Variants in LRRTM4 observed in about 807,000 individuals in gnomAD.
The protein encoded by LRRTM4 is leucine-rich repeat transmembrane neuronal protein 4.
Under a neutral mutation model 47.6 loss-of-function variants are expected in LRRTM4, and 25 were observed. The ratio of observed to expected loss-of-function variants is 0.53; its 90% CI spans 0.38 to 0.73. The LOEUF (loss-of-function observed/expected upper bound fraction) is 0.73, where lower values mean the gene tolerates loss of function less well. LRRTM4 is among the 30% of genes least tolerant of loss of function. LRRTM4 has a pLI of 0.00. For missense variants in LRRTM4, 638 were observed against 713.4 expected, an observed-to-expected ratio of 0.89 and a Z score of 1.20; for synonymous variants, 311 against 269.5, an observed-to-expected ratio of 1.15 and a Z score of -1.51.
intron 3 of LRRTM4, among the ~76,000 whole-genome samples, chr2:77,069,090 TAAATACATGGGTAAATCTCTATTC>T: frequency 6.6e-6 from 1 of 152,204 alleles, no homozygotes; most frequent in Non-Finnish European, 1.5e-5. Flanking sequence ...TTGCTGTTAA[TAAATACATGGGTAAATCTCTATTC>T]GAGGCTTTCA....
At position 77,223,464 on chromosome 2, in the gene LRRTM4, T is replaced by C. The variant is rs563827113; in HGVS notation, c.1551+294854A>G. On this transcript the variant is annotated intron_variant, in intron 3 of 3. Coordinates refer to ENST00000409884, the MANE Select transcript of LRRTM4 (RefSeq NM_001134745.3). ...TGATTGTATATCTAGAAAACCCCAT[T>C]GTCTCAGCCCAAAATCTCCTTAAGC... Among the ~76,000 whole-genome samples the C allele has an allele frequency of 1.1e-3, 165 of 152,194 alleles. 1 individual carries two copies. Among genetic ancestry groups the C allele is most frequent in the African/African-American group, 3.8e-3 (157 of 41,546 alleles).
Position 76,959,947 on chromosome 2 carries a change from T to C in LRRTM4, c.1552-211031A>G, listed in dbSNP as rs925070003. 2.2e-4 allele frequency among the ~76,000 whole-genome samples: 33 copies of C among 151,652 alleles called. 1 individual carries two copies. Among genetic ancestry groups the C allele is most frequent in the Admixed American group, 2.2e-3 (33 of 15,168 alleles). On this transcript the variant is annotated intron_variant, in intron 3 of 3. Transcript: ENST00000409884. The stretch of plus-strand genomic sequence containing the variant: ...ATTAGTGGTATTACTACCAATACCA[T>C]TGCCTTCATAGCCACTGGTTTACTC...
At position 77,450,962 on chromosome 2, in the gene LRRTM4, TCTAA is replaced by T. The variant is rs1380709790; in HGVS notation, c.1551+67352_1551+67355del. Among the ~76,000 whole-genome samples the T allele has an allele frequency of 4.6e-5, 7 of 152,184 alleles. No individual in the cohort carries two copies. The East Asian group carries it at 9.6e-4, about 21-fold the overall frequency. On this transcript the variant is annotated intron_variant, in intron 3 of 3. Coordinates refer to ENST00000409884, the MANE Select transcript of LRRTM4 (RefSeq NM_001134745.3). ...ATTTAGCATTCAAAGAGTTCAACAA[TCTAA>T]CTAAGTATAACTTTCCAACTTATTT...
At chr2:77,513,993 AT>A (rs991901305) in intron 3 of LRRTM4, among the ~76,000 whole-genome samples, 4 of 152,112 alleles carry the variant, frequency 2.6e-5, no homozygotes, top group Non-Finnish European at 5.9e-5. Flanking sequence ...AATTTAATTA[AT>A]TTTGATGGAC....
chr2:77,411,282 T>C (rs1239164334), intron 3 of LRRTM4, among the ~76,000 whole-genome samples: 1 of 152,016 alleles, frequency 6.6e-6, no homozygotes, highest in Non-Finnish European at 1.5e-5. Context: ...ATAAATAGTC[T>C]CAGCAAAACA....
rs139915054 is a variant in LRRTM4 at position 77,049,341 on chromosome 2, T to C, written c.1552-300425A>G. ...TGATATATATCCAGTGGTGAGACTGTTGGATCATTTGTAATTGTTTGAGGA... is the reference window on the plus strand; with the variant it reads ...TGATATATATCCAGTGGTGAGACTGCTGGATCATTTGTAATTGTTTGAGGA... On this transcript the variant is annotated intron_variant, in intron 3 of 3. Transcript: ENST00000409884. Among the ~76,000 whole-genome samples the C allele has an allele frequency of 5.3e-3, 798 of 151,532 alleles. 6 individuals are homozygous for C. The highest frequency in any genetic ancestry group is 0.029 in the South Asian group (139 of 4,800).
intron 3 of LRRTM4, among the ~76,000 whole-genome samples, chr2:77,417,986 G>C (rs1328947133): frequency 6.6e-6 from 1 of 152,078 alleles, no homozygotes; most frequent in Non-Finnish European, 1.5e-5. Context: ...GGACTAAAGA[G>C]AGAACAAAAT....
chr2:76,755,345 G>A (rs1317414310), intron 3 of LRRTM4, among the ~76,000 whole-genome samples: 2 of 152,104 alleles, frequency 1.3e-5, no homozygotes, highest in African/African-American at 4.8e-5. Context: ...TTTTGAGAAA[G>A]TACCTTAAGC....
At position 77,132,873 on chromosome 2, in the gene LRRTM4, GGAA is replaced by G. The variant is rs895919360; in HGVS notation, c.1552-383960_1552-383958del. ...GAAAATAAGAGACAGAAAGGGAAAG[GGAA>G]GAAGAAGGAGTAGGTGTAGAACATT... On this transcript the variant is annotated intron_variant, in intron 3 of 3. Transcript: ENST00000409884. Among the ~76,000 whole-genome samples, 67 of 152,238 alleles carry G rather than the reference GGAA, an allele frequency of 4.4e-4. 1 individual carries two copies. Among genetic ancestry groups the G allele is most frequent in the Middle Eastern group, 3.4e-3 (1 of 294 alleles).
intron 3 of LRRTM4, among the ~76,000 whole-genome samples, chr2:77,350,332 C>CAAAA (rs61365229): frequency 0.012 from 479 of 39,322 alleles, 2 homozygotes; most frequent in Non-Finnish European, 0.015. Flanking sequence ...GACTCCGTCT[C>CAAAA]AAAAAAAAAA....
At chr2:76,953,702 A>G (rs1002361434) in intron 3 of LRRTM4, among the ~76,000 whole-genome samples, 6 of 151,848 alleles carry the variant, frequency 4.0e-5, no homozygotes, top group African/African-American at 1.5e-4. Context: ...AATTCACCAC[A>G]ATTGGGATTA....
intron 3 of LRRTM4, among the ~76,000 whole-genome samples, chr2:77,192,660 A>G (rs932581799): frequency 1.3e-5 from 2 of 152,100 alleles, no homozygotes; most frequent in African/African-American, 4.8e-5. Flanking sequence ...TTTCTCCCCA[A>G]AACAATTTGC....
intron 3 of LRRTM4, among the ~76,000 whole-genome samples, chr2:77,207,433 C>T (rs1291967528): frequency 1.4e-5 from 2 of 146,444 alleles, no homozygotes; most frequent in Non-Finnish European, 3.0e-5. Context: ...GTTTTCTTAC[C>T]AGAAAACTCT....
intron 3 of LRRTM4, among the ~76,000 whole-genome samples, chr2:77,102,364 G>C (rs575964890): frequency 2.6e-5 from 4 of 152,218 alleles, no homozygotes; most frequent in African/African-American, 9.6e-5. Flanking sequence ...TTAATTCCAC[G>C]TATTCCCACT....
At chr2:77,007,927 A>G (rs953352280) in intron 3 of LRRTM4, among the ~76,000 whole-genome samples, 2 of 152,172 alleles carry the variant, frequency 1.3e-5, no homozygotes, top group African/African-American at 2.4e-5. Context: ...ATATAGCTTC[A>G]TTGTTCCTTC....
chr2:76,798,398 C>G (rs895484711), intron 3 of LRRTM4, among the ~76,000 whole-genome samples: 3 of 151,534 alleles, frequency 2.0e-5, no homozygotes, highest in South Asian at 4.2e-4. Flanking sequence ...TTCTTTGAAA[C>G]CAACGAGAAC....
chr2:77,418,660 A>T (rs1025904438), intron 3 of LRRTM4, among the ~76,000 whole-genome samples: 6 of 152,144 alleles, frequency 3.9e-5, no homozygotes, highest in African/African-American at 1.4e-4. Context: ...GTATCCCAGC[A>T]ACACGACTCC....
chr2:76,768,255 T>C (rs1182953086), intron 3 of LRRTM4, among the ~76,000 whole-genome samples: 1 of 152,208 alleles, frequency 6.6e-6, no homozygotes, highest in Non-Finnish European at 1.5e-5. Context: ...TTGGTTTCTT[T>C]ACATGCAACA....
intron 3 of LRRTM4, among the ~76,000 whole-genome samples, chr2:77,016,299 T>C (rs1313210407): frequency 6.7e-6 from 1 of 149,876 alleles, no homozygotes; most frequent in East Asian, 2.0e-4. Context: ...GGCAAAAGAA[T>C]TGCTTGAACC....
Sources: gnomAD v4.1 joint callset for allele counts (sites outside exome capture counted in the v4.1 genomes callset) on GRCh38, gnomAD v4.1.1 for gene constraint, MANE v1.5 for transcripts, NCBI Gene and HGNC (gene_info 2026-07-23, HGNC 2026-07-21) for gene names.